Variants in ADAMTS18 observed in about 807,000 individuals in gnomAD.
ADAMTS18 encodes A disintegrin and metalloproteinase with thrombospondin motifs 18.
ADAMTS18 carries 157 observed loss-of-function variants against 165.9 expected under a neutral mutation model. That is an observed-to-expected ratio of 0.95 (90% CI 0.83 to 1.08). The LOEUF (loss-of-function observed/expected upper bound fraction) is 1.08. Ranked by LOEUF, ADAMTS18 falls within the 50% of genes least tolerant of loss-of-function variation. The pLI is 0.00. For missense variants in ADAMTS18, 2,040 were observed against 1,534.0 expected (o/e 1.33, Z -5.51); for synonymous variants, 782 against 578.2 (o/e 1.35, Z -5.06).
At chr16:77,406,172 C>G (rs528306933) in intron 3 of ADAMTS18, among the ~76,000 whole-genome samples, 1 of 152,102 alleles carries the variant, frequency 6.6e-6, no homozygotes, top group South Asian at 2.1e-4. Context: ...TACATCATAA[C>G]CAAGTAAGTT....
intron 3 of ADAMTS18, among the ~76,000 whole-genome samples, chr16:77,414,945 A>G (rs1023381516): frequency 3.9e-5 from 6 of 152,382 alleles, no homozygotes; most frequent in Admixed American, 1.3e-4. Context: ...CAGGCACATA[A>G]TGTGCTCACT....
rs1217954020 is a variant in ADAMTS18, at chr16:77,434,741, C to T, written c.-46G>A. On this transcript the variant is annotated 5_prime_UTR_variant, in exon 1 of 23. Coordinates refer to ENST00000282849, the MANE Select transcript of ADAMTS18 (RefSeq NM_199355.4). ...GCTGCGGGTGGCCAGACGCGGCAGG[C>T]GGAGCGCACGGGCGGCGCGCATTCT... 2.2e-6 allele frequency: 3 copies of T among 1,373,438 alleles called. No individual in the cohort carries two copies. The highest frequency in any genetic ancestry group is 3.0e-5 in the Admixed American group (1 of 32,854). 85.1% of individuals were successfully genotyped at this position (1,373,438 alleles called of 1,614,324 possible).
rs1230443958 is a variant in ADAMTS18, at chr16:77,283,892, GC to G, written c.*63del. ...TGCTCAGCTCCTGGTCTCAAAGGCA[GC>G]TGGTCTCTCTAGAGGTTGAAAGGTA... On this transcript the variant is annotated 3_prime_UTR_variant, in exon 23 of 23. Transcript: ENST00000282849. The G allele has an allele frequency of 6.3e-6, 8 of 1,279,334 alleles. No homozygotes were observed. The highest frequency in any genetic ancestry group is 9.1e-6 in the Non-Finnish European group (8 of 877,064). The allele number at this position is 1,279,334 out of a possible 1,614,324, so 79.2% of individuals were successfully genotyped here.
At chr16:77,358,298 G>A (rs1165402954) in intron 8 of ADAMTS18, among the ~76,000 whole-genome samples, 1 of 152,130 alleles carries the variant, frequency 6.6e-6, no homozygotes, top group Non-Finnish European at 1.5e-5. Context: ...GGCACTGTCC[G>A]GGCGTGGTGG....
intron 3 of ADAMTS18, among the ~76,000 whole-genome samples, chr16:77,373,611 T>C (rs1431141092): frequency 6.6e-6 from 1 of 151,870 alleles, no homozygotes; most frequent in African/African-American, 2.4e-5. Context: ...TTGGGTGCGG[T>C]GTATACTGCT....
intron 3 of ADAMTS18, among the ~76,000 whole-genome samples, chr16:77,428,953 A>G (rs965144255): frequency 6.6e-6 from 1 of 152,208 alleles, no homozygotes; most frequent in Admixed American, 6.5e-5. Flanking sequence ...AAATGCATAT[A>G]CAAGAATGTT....
At chr16:77,343,415 A>T (rs947375324) in intron 10 of ADAMTS18, among the ~76,000 whole-genome samples, 1 of 152,358 alleles carries the variant, frequency 6.6e-6, no homozygotes, top group East Asian at 1.9e-4. Context: ...GAACTATAAG[A>T]TAATAAATGT....
At chr16:77,426,229 T>C (rs1478149137) in intron 3 of ADAMTS18, among the ~76,000 whole-genome samples, 1 of 152,216 alleles carries the variant, frequency 6.6e-6, no homozygotes, top group Non-Finnish European at 1.5e-5. Context: ...AAACCACTTA[T>C]TCCTGGAGCA....
intron 10 of ADAMTS18, among the ~76,000 whole-genome samples, chr16:77,343,670 G>A (rs11643269): frequency 0.4 from 61,170 of 151,910 alleles, 12,950 homozygotes; most frequent in East Asian, 0.61. Flanking sequence ...GCCTGGATTT[G>A]CCACTGATGG....
At chr16:77,290,126 T>C (rs2055334353) in intron 21 of ADAMTS18, among the ~76,000 whole-genome samples, 1 of 152,230 alleles carries the variant, frequency 6.6e-6, no homozygotes, top group Admixed American at 6.5e-5. Flanking sequence ...CTGTAGTTTC[T>C]GTCTCAATTA....
At position 77,353,872 on chromosome 16, in the gene ADAMTS18, C is replaced by T; in HGVS notation, c.1475G>A (p.Gly492Glu). 1 of 1,614,132 alleles carries T rather than the reference C, an allele frequency of 6.2e-7. No individual in the cohort carries two copies. The highest frequency in any genetic ancestry group is 1.1e-5 in the South Asian group (1 of 91,086). ...LKKFLSTPQA[G>E]CLVDEPKQAG... ...TTGCTTGGGCTCATCCACTAGACACCCCGCCTGAGGTGTGCTGTAATGACA... is the reference window on the plus strand; with the variant it reads ...TTGCTTGGGCTCATCCACTAGACACTCCGCCTGAGGTGTGCTGTAATGACA... The change falls in exon 10 of 23, where the codon GGG becomes GAG. Residue 492 changes from glycine to glutamate, a missense_variant. Transcript: ENST00000282849.
At chr16:77,400,478 GTGTTTTGTT>G (rs1567541758) in intron 3 of ADAMTS18, among the ~76,000 whole-genome samples, 17 of 119,870 alleles carry the variant, frequency 1.4e-4, no homozygotes, top group African/African-American at 4.2e-4. Context: ...GTGTGTGTGT[GTGTTTTGTT>G]TTTTTTTTTT....
intron 10 of ADAMTS18, among the ~76,000 whole-genome samples, chr16:77,349,577 G>A (rs1052181917): frequency 7.3e-6 from 1 of 136,170 alleles, no homozygotes; most frequent in Non-Finnish European, 1.5e-5. Context: ...ACAAAGTCAT[G>A]AATAACTATT....
At chr16:77,284,205 A>T in intron 22 of ADAMTS18, 134 bp from the exon 23 acceptor site, 1 of 639,614 alleles carries the variant, frequency 1.6e-6, no homozygotes. Flanking sequence ...CGCTCACTGC[A>T]ATCTCTGCTG....
intron 10 of ADAMTS18, 74 bp downstream of exon 10, chr16:77,353,659 T>A (rs77323968): frequency 0.034 from 55,007 of 1,607,504 alleles, 1,085 homozygotes; most frequent in South Asian, 0.053. Flanking sequence ...GCAAACCAAA[T>A]GTTTACACTT....
In ADAMTS18 at chr16:77,397,098, C is replaced by T. The variant is rs547694791; in HGVS notation, c.496-29375G>A. ...TGCTGGAATTTTAGGCGTGAGCCAC[C>T]ACGGCCGGCCTGGATTGCTTTCTAG... On this transcript the variant is annotated intron_variant, in intron 3 of 22. Coordinates refer to ENST00000282849, the MANE Select transcript of ADAMTS18 (RefSeq NM_199355.4). Among the ~76,000 whole-genome samples the T allele has an allele frequency of 1.4e-3, 220 of 152,304 alleles. 1 individual carries two copies. Among genetic ancestry groups the T allele is most frequent in the African/African-American group, 5.1e-3 (212 of 41,564 alleles).
intron 7 of ADAMTS18, among the ~76,000 whole-genome samples, 153 bp from the exon 8 acceptor site, chr16:77,359,576 T>C (rs1163889883): frequency 6.6e-6 from 1 of 152,114 alleles, no homozygotes; most frequent in Non-Finnish European, 1.5e-5. Flanking sequence ...AGATCTATAG[T>C]TCTTTGTCCT....
At chr16:77,433,578 G>A (rs2057764288) in intron 2 of ADAMTS18, 1 of 152,030 alleles carries the variant, frequency 6.6e-6, no homozygotes, top group Non-Finnish European at 1.5e-5. Flanking sequence ...CAGCCTCTCT[G>A]TTTGGACAAA....
chr16:77,369,311 A>G (rs1461659394), intron 3 of ADAMTS18, among the ~76,000 whole-genome samples: 3 of 151,796 alleles, frequency 2.0e-5, no homozygotes, highest in Non-Finnish European at 2.9e-5. Flanking sequence ...GAACTTTTAC[A>G]TTCTTTTTTC....
Sources: gnomAD v4.1 joint callset for allele counts (sites outside exome capture counted in the v4.1 genomes callset) on GRCh38, gnomAD v4.1.1 for gene constraint, MANE v1.5 for transcripts, NCBI Gene and HGNC (gene_info 2026-07-23, HGNC 2026-07-21) for gene names.